Variants in IDO2 observed in about 807,000 individuals in gnomAD.
IDO2 encodes indoleamine 2,3-dioxygenase 2.
A neutral mutation model predicts 45.1 loss-of-function variants in IDO2; 46 were observed. That is an observed-to-expected ratio of 1.02 (90% CI 0.80 to 1.30). The LOEUF (loss-of-function observed/expected upper bound fraction) is 1.30. Among genes scored for constraint, IDO2 ranks in the 50% most tolerant of loss-of-function variants. The pLI is 0.00. For missense variants in IDO2, 544 were observed against 491.8 expected (o/e 1.11, Z -1.00); for synonymous variants, 218 against 184.9 (o/e 1.18, Z -1.45).
intron 8 of IDO2, among the ~76,000 whole-genome samples, chr8:39,999,034 G>A (rs1366998641): frequency 1.3e-5 from 2 of 151,988 alleles, no homozygotes; most frequent in South Asian, 2.1e-4. Flanking sequence ...TCTGCTGGTG[G>A]TAAACTCTCC....
At chr8:39,992,142 G>A (rs143991802) in intron 8 of IDO2, among the ~76,000 whole-genome samples, 1 of 152,326 alleles carries the variant, frequency 6.6e-6, no homozygotes, top group African/African-American at 2.4e-5. Context: ...CATTCCTTTC[G>A]ACCAGGGGTG....
chr8:39,988,044 G>A, intron 7 of IDO2, 74 bp downstream of exon 7: 5 of 821,598 alleles, frequency 6.1e-6, no homozygotes, highest in Non-Finnish European at 1.0e-5. Flanking sequence ...TGCCTTTCCT[G>A]CAGTGGATTT....
intron 1 of IDO2, among the ~76,000 whole-genome samples, chr8:39,941,285 C>G (rs1807639874): frequency 6.7e-6 from 1 of 149,850 alleles, no homozygotes; most frequent in Non-Finnish European, 1.5e-5. Context: ...ATACTCCCGG[C>G]TCTCTTTTTA....
At chr8:39,969,478 G>T (rs1808148249) in intron 3 of IDO2, among the ~76,000 whole-genome samples, 1 of 152,066 alleles carries the variant, frequency 6.6e-6, no homozygotes, top group African/African-American at 2.4e-5. Context: ...CAGGCCTCCT[G>T]ATTTCCTGAG....
chr8:39,968,738 A>G (rs1230282057), intron 3 of IDO2, among the ~76,000 whole-genome samples: 1 of 152,080 alleles, frequency 6.6e-6, no homozygotes, highest in Non-Finnish European at 1.5e-5. Flanking sequence ...GAGGGAGAGC[A>G]TTAGGACAAA....
At chr8:39,971,012 C>G (rs1050386148) in intron 3 of IDO2, among the ~76,000 whole-genome samples, 2 of 152,146 alleles carry the variant, frequency 1.3e-5, no homozygotes, top group Admixed American at 6.5e-5. Flanking sequence ...GATCCACCCC[C>G]CTTGGCCTCC....
intron 1 of IDO2, among the ~76,000 whole-genome samples, chr8:39,946,445 A>G (rs1357063919): frequency 6.6e-6 from 1 of 152,100 alleles, no homozygotes; most frequent in Non-Finnish European, 1.5e-5. Context: ...GTCTCTACTA[A>G]AAGTACAAAA....
At chr8:39,943,865 G>A (rs1454879416) in intron 1 of IDO2, among the ~76,000 whole-genome samples, 1 of 151,660 alleles carries the variant, frequency 6.6e-6, no homozygotes, top group Non-Finnish European at 1.5e-5. Context: ...ACTCAACATA[G>A]TACTTTAAGT....
At chr8:40,001,893 C>T (rs1483902343) in intron 8 of IDO2, among the ~76,000 whole-genome samples, 1 of 151,916 alleles carries the variant, frequency 6.6e-6, no homozygotes, top group Non-Finnish European at 1.5e-5. Flanking sequence ...TTCAGCAATT[C>T]TCCTGCCTCA....
intron 8 of IDO2, among the ~76,000 whole-genome samples, chr8:39,994,809 T>TA (rs912751891): frequency 6.6e-5 from 10 of 151,772 alleles, no homozygotes; most frequent in African/African-American, 2.4e-4. Context: ...ATTAACCATT[T>TA]AAAAAAAACC....
exon 3 of IDO2, chr8:39,963,694 T>C (rs777693155): frequency 1.2e-6 from 2 of 1,603,804 alleles, no homozygotes; most frequent in South Asian, 1.1e-5. Context: ...TTCAAGCTCA[T>C]GTGGACAAGG....
intron 9 of IDO2, among the ~76,000 whole-genome samples, chr8:40,008,820 C>A (rs186080085): frequency 2.0e-5 from 3 of 152,104 alleles, no homozygotes. Flanking sequence ...TAAATGCCTC[C>A]GCTCTGTTTC....
intron 5 of IDO2, chr8:39,985,204 C>G (rs1808406220): frequency 2.4e-6 from 1 of 411,094 alleles, no homozygotes; most frequent in African/African-American, 2.0e-5. Flanking sequence ...GCTAGGATTA[C>G]AGGCATGAGC....
intron 1 of IDO2, among the ~76,000 whole-genome samples, chr8:39,937,519 A>G (rs926201583): frequency 6.9e-6 from 1 of 145,824 alleles, no homozygotes; most frequent in Non-Finnish European, 1.5e-5. Context: ...ACACCAAAAT[A>G]TCTTCTTTTT....
chr8:39,948,386 G>A (rs1381238903), intron 1 of IDO2, among the ~76,000 whole-genome samples: 1 of 152,168 alleles, frequency 6.6e-6, no homozygotes, highest in African/African-American at 2.4e-5. Flanking sequence ...TAATTTTGAA[G>A]TGGTTGTGGT....
chr8:40,015,400 C>A (rs773412552), exon 11 of IDO2: 5 of 1,613,818 alleles, frequency 3.1e-6, no homozygotes, highest in Non-Finnish European at 4.2e-6. Context: ...CAGGCCCTGG[C>A]AGAGCTGCGG....
At chr8:39,935,467 T>C (rs975744388) in intron 1 of IDO2, among the ~76,000 whole-genome samples, 14 of 147,558 alleles carry the variant, frequency 9.5e-5, no homozygotes, top group Non-Finnish European at 2.1e-4. Flanking sequence ...TGTTGTTGTT[T>C]TGAGACAGAG....
At chr8:39,979,125 T>C (rs1186593230) in exon 4 of IDO2, 1 of 1,603,336 alleles carries the variant, frequency 6.2e-7, no homozygotes, top group Middle Eastern at 1.7e-4. Context: ...CTGGCCCACC[T>C]GGTCCTGAGC....
intron 1 of IDO2, 122 bp downstream of exon 1, chr8:39,935,340 T>C: frequency 2.3e-6 from 2 of 858,842 alleles, no homozygotes; most frequent in Non-Finnish European, 3.8e-6. Context: ...TTCCTAATTA[T>C]GTTTCCCTAG....
Sources: allele counts gnomAD v4.1 joint callset (sites outside exome capture counted in the v4.1 genomes callset), GRCh38; gene constraint gnomAD v4.1.1; transcripts MANE v1.5; gene names NCBI Gene and HGNC (gene_info 2026-07-23, HGNC 2026-07-21).